Variants in JAKMIP3 observed in about 807,000 individuals in gnomAD.
The protein encoded by JAKMIP3 is Janus kinase and microtubule interacting protein 3, also known as janus kinase and microtubule-interacting protein 3.
Under a neutral mutation model 118.5 loss-of-function variants are expected in JAKMIP3, and 58 were observed. The ratio of observed to expected loss-of-function variants is 0.49; its 90% CI spans 0.40 to 0.61. The LOEUF (loss-of-function observed/expected upper bound fraction) is 0.61, where lower values mean the gene tolerates loss of function less well. Ranked by LOEUF, JAKMIP3 falls within the 20% of genes least tolerant of loss-of-function variation. The pLI, the probability that JAKMIP3 is intolerant of heterozygous loss-of-function variation, is 0.00. For synonymous variants in JAKMIP3, 486 were observed against 451.2 expected (o/e 1.08, Z -0.98); for missense variants, 950 against 1,109.0 (o/e 0.86, Z 2.04).
intron 2 of JAKMIP3, among the ~76,000 whole-genome samples, chr10:132,106,835 A>G (rs2045985439): frequency 6.6e-6 from 1 of 152,246 alleles, no homozygotes; most frequent in South Asian, 2.1e-4. Flanking sequence ...ATGACTTGTC[A>G]AGAGCCCAGT....
intron 1 of JAKMIP3, among the ~76,000 whole-genome samples, chr10:132,081,515 C>T (rs1295984809): frequency 1.3e-5 from 2 of 152,292 alleles, no homozygotes; most frequent in East Asian, 3.9e-4. Context: ...CTGGTCGGCT[C>T]CTGAGCTCTG....
chr10:132,166,523 C>T (rs984444213), intron 21 of JAKMIP3, among the ~76,000 whole-genome samples: 5 of 152,176 alleles, frequency 3.3e-5, no homozygotes, highest in African/African-American at 1.2e-4. Flanking sequence ...GGACTGAGAC[C>T]ACAATATTCT....
chr10:132,163,630 CCTT>C (rs34204045), intron 20 of JAKMIP3, among the ~76,000 whole-genome samples: 16,578 of 152,180 alleles, frequency 0.11, 2,043 homozygotes, highest in East Asian at 0.58. Context: ...GATGGCCACA[CCTT>C]CTGATGATCA....
chr10:132,180,742 C>CGTGTGTGTGCGTGTGTGT (rs1262889146), intron 23 of JAKMIP3, among the ~76,000 whole-genome samples: 105 of 8,708 alleles, frequency 0.012, 48 homozygotes, highest in Non-Finnish European at 0.015. Context: ...TGTGTGCGTG[C>CGTGTGTGTGCGTGTGTGT]GTGCGCGCGC....
chr10:132,167,516 C>T (rs985727800), intron 22 of JAKMIP3, among the ~76,000 whole-genome samples: 2 of 152,168 alleles, frequency 1.3e-5, no homozygotes, highest in Non-Finnish European at 2.9e-5. Flanking sequence ...CCTGCCAGGC[C>T]GGGCAGCTTA....
chr10:132,169,997 C>T (rs2059330894), intron 23 of JAKMIP3: 1 of 152,522 alleles, frequency 6.6e-6, no homozygotes, highest in Admixed American at 6.5e-5. Context: ...GCATCTGGCT[C>T]CTGCATCCAC....
rs1432457455 is a variant in JAKMIP3, at chr10:132,183,738, C to G, written c.*2485C>G. 6.6e-6 allele frequency: 1 copy of G among 152,222 alleles called. No homozygotes were observed. The highest frequency in any genetic ancestry group is 1.9e-4 in the East Asian group (1 of 5,204). 9.4% of individuals were successfully genotyped at this position (152,222 alleles called of 1,614,324 possible). On this transcript the variant is annotated 3_prime_UTR_variant, in exon 24 of 24. Transcript: ENST00000684848. ...GATATCATTGTTTTCACTCGTCTAT[C>G]ATAGGCACCTTCTTTACATCTGATT...
chr10:132,074,622 C>T (rs1210711071), intron 1 of JAKMIP3, among the ~76,000 whole-genome samples: 2 of 152,110 alleles, frequency 1.3e-5, no homozygotes, highest in African/African-American at 4.8e-5. Flanking sequence ...TTTCTCCCAT[C>T]CTTTAGATTG....
At chr10:132,101,284 G>A (rs1021150618) in intron 1 of JAKMIP3, among the ~76,000 whole-genome samples, 1 of 152,140 alleles carries the variant, frequency 6.6e-6, no homozygotes, top group Non-Finnish European at 1.5e-5. Context: ...CCAGGAAGTC[G>A]AGGCTACAGT....
rs139314717 is a variant in JAKMIP3 at position 132,078,912 on chromosome 10, G to A, written c.-138+12851G>A. On this transcript the variant is annotated intron_variant, in intron 1 of 23. Coordinates refer to ENST00000684848, the MANE Select transcript of JAKMIP3 (RefSeq NM_001323087.2). Reference sequence around the variant, plus strand: ...ATTGGCCGTGGCCGCCGTGCGCCCTGAGCTGCCCGTCACGAGCCGGTGTTG... The same window carrying A: ...ATTGGCCGTGGCCGCCGTGCGCCCTAAGCTGCCCGTCACGAGCCGGTGTTG... Among the ~76,000 whole-genome samples the A allele has an allele frequency of 3.6e-3, 552 of 152,340 alleles. 2 individuals are homozygous for A. The highest frequency in any genetic ancestry group is 0.013 in the African/African-American group (527 of 41,574).
At chr10:132,135,661 C>T (rs1029646957) in intron 5 of JAKMIP3, among the ~76,000 whole-genome samples, 1 of 152,250 alleles carries the variant, frequency 6.6e-6, no homozygotes, top group African/African-American at 2.4e-5. Flanking sequence ...CCCGGGGACG[C>T]CGAGCCCAGC....
intron 1 of JAKMIP3, among the ~76,000 whole-genome samples, chr10:132,097,212 T>C (rs1438124705): frequency 6.6e-6 from 1 of 152,104 alleles, no homozygotes; most frequent in African/African-American, 2.4e-5. Flanking sequence ...GCAATAAACA[T>C]CCAGCTGCTG....
At chr10:132,136,798 G>A (rs952864994) in intron 6 of JAKMIP3, among the ~76,000 whole-genome samples, 12 of 152,152 alleles carry the variant, frequency 7.9e-5, no homozygotes, top group Non-Finnish European at 1.2e-4. Context: ...GTGTCTGTCC[G>A]GGCTGCACAC....
chr10:132,054,504 G>A (rs538589166), intron 1 of JAKMIP3, among the ~76,000 whole-genome samples: 1 of 152,278 alleles, frequency 6.6e-6, no homozygotes, highest in African/African-American at 2.4e-5. Flanking sequence ...GATATGGGGG[G>A]AGACAAGGTG....
Position 132,153,968 on chromosome 10 carries a change from A to G in JAKMIP3, c.2198A>G (p.Gln733Arg), listed in dbSNP as rs560247075. 4 of 1,613,084 alleles carry G rather than the reference A, an allele frequency of 2.5e-6. No homozygotes were observed. In the East Asian group the frequency reaches 6.7e-5, roughly 27 times the overall value. ...YLDEELDYRK[Q>R]ALDQANKHIL... The stretch of plus-strand genomic sequence containing the variant: ...GACGAGGAGCTGGACTACCGGAAAC[A>G]GGCCTTGGACCAGGCCAACAAGGTG... The change falls in exon 19 of 24, where the codon CAG (glutamine) becomes CGG (arginine). Residue 733 changes from glutamine to arginine, a missense_variant. Coordinates refer to ENST00000684848, the MANE Select transcript of JAKMIP3 (RefSeq NM_001323087.2).
intron 17 of JAKMIP3, 100 bp from the exon 18 acceptor site, chr10:132,153,659 A>G: frequency 8.8e-7 from 1 of 1,138,168 alleles, no homozygotes; most frequent in Non-Finnish European, 1.3e-6. Context: ...GAGAAGAGGA[A>G]GGAAGACCCA....
intron 1 of JAKMIP3, among the ~76,000 whole-genome samples, chr10:132,102,028 A>G (rs562290144): frequency 6.6e-6 from 1 of 152,086 alleles, no homozygotes; most frequent in South Asian, 2.1e-4. Flanking sequence ...AAGTCGCTCA[A>G]GTGTCAGCTG....
Position 132,055,367 on chromosome 10 carries a change from G to A in JAKMIP3, c.-138+18629G>A, listed in dbSNP as rs533574952. 8.5e-5 allele frequency among the ~76,000 whole-genome samples: 13 copies of A among 152,308 alleles called. No homozygotes were observed. In the South Asian group the frequency reaches 2.5e-3, roughly 29 times the overall value. On this transcript the variant is annotated intron_variant, in intron 1 of 23. Transcript: ENST00000657785. ...TGCAGAGTTCATGCAGGCAGGTCACGTTGGCCACCAGCATTGATCAGTACT... is the reference window on the plus strand; with the variant it reads ...TGCAGAGTTCATGCAGGCAGGTCACATTGGCCACCAGCATTGATCAGTACT...
At chr10:132,102,737 G>A (rs535977688) in intron 1 of JAKMIP3, among the ~76,000 whole-genome samples, 10 of 152,288 alleles carry the variant, frequency 6.6e-5, no homozygotes, top group South Asian at 6.2e-4. Context: ...CCACCTGCCC[G>A]TCCTGCCACC....
Sources: gnomAD v4.1 joint callset for allele counts (sites outside exome capture counted in the v4.1 genomes callset) on GRCh38, gnomAD v4.1.1 for gene constraint, MANE v1.5 for transcripts, NCBI Gene and HGNC (gene_info 2026-07-23, HGNC 2026-07-21) for gene names.